The following TSHZ3 variants were observed in gnomAD, a reference collection of about 807,000 sequenced individuals.
The protein encoded by TSHZ3 is teashirt zinc finger homeobox 3.
In TSHZ3, 10 loss-of-function variants were observed where a neutral mutation model predicts 64.5. The observed-to-expected ratio is 0.16, with a 90% CI of 0.10 to 0.26. TSHZ3 has a LOEUF of 0.26. Among genes scored for constraint, TSHZ3 ranks in the 10% least tolerant of loss-of-function variants. The pLI is 1.00. For synonymous variants in TSHZ3, 608 were observed against 593.1 expected (o/e 1.03, Z -0.36); for missense variants, 1,242 against 1,421.7 (o/e 0.87, Z 2.03).
At chr19:31,168,989 A>T (rs1690119103) in intron 5 of TSHZ3, among the ~76,000 whole-genome samples, 1 of 152,188 alleles carries the variant, frequency 6.6e-6, no homozygotes, top group African/African-American at 2.4e-5. Context: ...ACATATTGAA[A>T]AATTAGCCCC....
intron 1 of TSHZ3, 164 bp downstream of exon 1, chr19:31,349,016 C>T (rs1028660230): frequency 3.5e-6 from 3 of 856,926 alleles, no homozygotes; most frequent in East Asian, 3.2e-5. Context: ...GGGGGGCGCC[C>T]GGTACCCGAG....
rs184260673 is a variant in TSHZ3, at chr19:31,290,331, G to A, written c.41-10579C>T. On this transcript the variant is annotated intron_variant, in intron 1 of 1. Transcript: ENST00000240587. ...AGGTGCACCCTCCTGGCTCTTGACCGGGAGGGGCTCAAAGCAACAGTGTGA... is the reference window on the plus strand; with the variant it reads ...AGGTGCACCCTCCTGGCTCTTGACCAGGAGGGGCTCAAAGCAACAGTGTGA... Among the ~76,000 whole-genome samples the A allele has an allele frequency of 5.9e-5, 9 of 152,230 alleles. No homozygotes were observed. The South Asian group carries it at 8.3e-4, about 14-fold the overall frequency.
At chr19:31,317,586 G>A (rs1295639212) in intron 1 of TSHZ3, among the ~76,000 whole-genome samples, 1 of 152,156 alleles carries the variant, frequency 6.6e-6, no homozygotes, top group African/African-American at 2.4e-5. Context: ...CAAGACAAAG[G>A]AAGGAAACAG....
chr19:31,336,971 G>A (rs1917264409), intron 1 of TSHZ3, among the ~76,000 whole-genome samples: 1 of 151,380 alleles, frequency 6.6e-6, no homozygotes, highest in African/African-American at 2.4e-5. Context: ...GAAAAGACCA[G>A]GCAGTTTTTC....
chr19:31,166,191 G>A (rs906556135), intron 5 of TSHZ3, among the ~76,000 whole-genome samples: 1 of 152,172 alleles, frequency 6.6e-6, no homozygotes, highest in African/African-American at 2.4e-5. Flanking sequence ...ACAATCAAAT[G>A]AGCCACTGAG....
intron 5 of TSHZ3, among the ~76,000 whole-genome samples, chr19:31,158,059 C>G (rs1408444082): frequency 6.6e-6 from 1 of 152,158 alleles, no homozygotes; most frequent in Admixed American, 6.5e-5. Flanking sequence ...GGATTGAGGA[C>G]AAAACTATAG....
At chr19:31,339,900 A>C (rs1917378114) in intron 1 of TSHZ3, among the ~76,000 whole-genome samples, 1 of 113,568 alleles carries the variant, frequency 8.8e-6, no homozygotes, top group Non-Finnish European at 1.6e-5. Flanking sequence ...AAAAAAATTG[A>C]CTTTAAAAAA....
At chr19:31,222,461 A>G (rs1210851648) in intron 4 of TSHZ3, among the ~76,000 whole-genome samples, 3 of 152,194 alleles carry the variant, frequency 2.0e-5, no homozygotes, top group Non-Finnish European at 4.4e-5. Flanking sequence ...TAGACTTGGA[A>G]AAACTTTCAA....
At chr19:31,184,786 T>C (rs1974776583) in intron 5 of TSHZ3, among the ~76,000 whole-genome samples, 3 of 152,192 alleles carry the variant, frequency 2.0e-5, no homozygotes. Flanking sequence ...TGCATGACCC[T>C]AGTTTATCAC....
chr19:31,220,255 A>G (rs1386919024), intron 4 of TSHZ3, among the ~76,000 whole-genome samples: 1 of 152,256 alleles, frequency 6.6e-6, no homozygotes, highest in Non-Finnish European at 1.5e-5. Flanking sequence ...GGGCCTGGAA[A>G]CATTAAATAA....
At chr19:31,185,733 A>T (rs1012611598) in intron 5 of TSHZ3, among the ~76,000 whole-genome samples, 1 of 152,208 alleles carries the variant, frequency 6.6e-6, no homozygotes, top group Non-Finnish European at 1.5e-5. Context: ...GAGTTTTGGC[A>T]CATGCACAGC....
chr19:31,238,334 C>T (rs1975646636), intron 3 of TSHZ3, among the ~76,000 whole-genome samples: 1 of 151,226 alleles, frequency 6.6e-6, no homozygotes, highest in Admixed American at 6.6e-5. Flanking sequence ...TGGTTCACTG[C>T]AACCTCCACC....
chr19:31,322,246 G>A (rs931564172), intron 1 of TSHZ3, among the ~76,000 whole-genome samples: 19 of 151,768 alleles, frequency 1.3e-4, no homozygotes, highest in African/African-American at 3.9e-4. Flanking sequence ...AACGATTTTC[G>A]TGCCTCGGCC....
intron 3 of TSHZ3, among the ~76,000 whole-genome samples, chr19:31,240,161 C>G (rs1002252192): frequency 6.6e-6 from 1 of 152,006 alleles, no homozygotes; most frequent in Non-Finnish European, 1.5e-5. Context: ...TTCTGAGACT[C>G]AAATTTCAGG....
At chr19:31,182,486 C>G (rs1004282976) in intron 5 of TSHZ3, among the ~76,000 whole-genome samples, 52 of 152,236 alleles carry the variant, frequency 3.4e-4, no homozygotes, top group African/African-American at 1.3e-3. Context: ...ATGCACAGCC[C>G]GTGATGAAAA....
Position 31,336,585 on chromosome 19 carries a change from C to T in TSHZ3, c.40+12595G>A, listed in dbSNP as rs539467642. On this transcript the variant is annotated intron_variant, in intron 1 of 1. Coordinates refer to ENST00000240587, the MANE Select transcript of TSHZ3 (RefSeq NM_020856.4). ...TTAAAAAATCCGGTTATCTAAGGAA[C>T]GAAGTTTCAGACCCACCAGAACTGT... Among the ~76,000 whole-genome samples, 26 of 152,278 alleles carry T rather than the reference C, an allele frequency of 1.7e-4. 2 individuals are homozygous for T. The South Asian group carries it at 4.6e-3, about 27-fold the overall frequency.
chr19:31,226,614 C>G (rs1017163728), intron 4 of TSHZ3, among the ~76,000 whole-genome samples: 3 of 152,152 alleles, frequency 2.0e-5, no homozygotes, highest in African/African-American at 7.2e-5. Context: ...TCCATCAGAA[C>G]TTCCCTGCTA....
intron 5 of TSHZ3, among the ~76,000 whole-genome samples, chr19:31,204,527 G>C (rs1975137323): frequency 6.6e-6 from 1 of 152,140 alleles, no homozygotes; most frequent in African/African-American, 2.4e-5. Context: ...CTCCACTGTA[G>C]CAAATTTCAT....
At position 31,275,635 on chromosome 19, in the gene TSHZ3, G is replaced by C. The variant is rs948632520; in HGVS notation, c.*912C>G. ...ATGACAATATGATGCTAATAAATAT[G>C]TATAATTTAAACATGAACCTCTATC... On this transcript the variant is annotated 3_prime_UTR_variant, in exon 2 of 2. Coordinates refer to ENST00000240587, the MANE Select transcript of TSHZ3 (RefSeq NM_020856.4). The C allele has an allele frequency of 6.6e-6, 1 of 152,474 alleles. No homozygotes were observed. Among genetic ancestry groups the C allele is most frequent in the Non-Finnish European group, 1.5e-5 (1 of 68,010 alleles). 9.4% of individuals were successfully genotyped at this position (152,474 alleles called of 1,614,324 possible). A position where few individuals can be genotyped will look rare whatever the true frequency, so the allele number is the denominator to read the frequency against.
Sources: gnomAD v4.1 joint callset for allele counts (sites outside exome capture counted in the v4.1 genomes callset) on GRCh38, gnomAD v4.1.1 for gene constraint, MANE v1.5 for transcripts, NCBI Gene and HGNC (gene_info 2026-07-23, HGNC 2026-07-21) for gene names.